The following CNIH3 variants were observed in gnomAD, a reference collection of about 807,000 sequenced individuals.
CNIH3 encodes protein cornichon homolog 3.
CNIH3 carries 14 observed loss-of-function variants against 24.1 expected under a neutral mutation model. The observed-to-expected ratio is 0.58, with a 90% CI of 0.38 to 0.91. The LOEUF (loss-of-function observed/expected upper bound fraction) is 0.91. CNIH3 is among the 40% of genes least tolerant of loss of function. The pLI is 0.00. For synonymous variants in CNIH3, 68 were observed against 73.8 expected, an observed-to-expected ratio of 0.92 and a Z score of 0.40; for missense variants, 178 against 196.8, an observed-to-expected ratio of 0.90 and a Z score of 0.57.
chr1:224,566,756 T>C (rs1180843103), intron 4 of CNIH3, among the ~76,000 whole-genome samples: 1 of 152,190 alleles, frequency 6.6e-6, no homozygotes, highest in East Asian at 1.9e-4. Flanking sequence ...ATTTTCTCTA[T>C]CTAGTCTATT....
At chr1:224,668,562 T>G (rs945923210) in intron 1 of CNIH3, among the ~76,000 whole-genome samples, 13 of 152,152 alleles carry the variant, frequency 8.5e-5, no homozygotes, top group Non-Finnish European at 1.6e-4. Context: ...CTGATGCACA[T>G]CCACACTTGG....
rs1251703220 is a variant in CNIH3, at chr1:224,734,467, G to A, written c.312-96G>A. 4.7e-6 allele frequency: 6 copies of A among 1,273,754 alleles called. No individual in the cohort carries two copies. In the African/African-American group the frequency reaches 8.8e-5, roughly 19 times the overall value. The allele number at this position is 1,273,754 out of a possible 1,614,324, so 78.9% of individuals were successfully genotyped here. On this transcript the variant is annotated intron_variant, in intron 4 of 5. Transcript: ENST00000272133. ...CAGAAGGCAGGCAATTGCTTGGCAG[G>A]GATTGCTCGACAGAAGCCCTGCATC... is the stretch of plus-strand genomic sequence containing the variant.
intron 1 of CNIH3, among the ~76,000 whole-genome samples, chr1:224,477,205 G>A (rs1207074765): frequency 6.6e-6 from 1 of 152,226 alleles, no homozygotes. Flanking sequence ...TTCAAAGGGT[G>A]TGTGGATTCT....
chr1:224,506,452 C>T (rs989466732), intron 1 of CNIH3, among the ~76,000 whole-genome samples: 1 of 152,190 alleles, frequency 6.6e-6, no homozygotes. Flanking sequence ...TGCTCGATGC[C>T]ACCCTCCTGG....
chr1:224,695,622 A>G (rs983732907), intron 3 of CNIH3, among the ~76,000 whole-genome samples: 2 of 152,096 alleles, frequency 1.3e-5, no homozygotes, highest in African/African-American at 4.8e-5. Flanking sequence ...ACAGTCCTCA[A>G]CCCTTGCTGC....
At position 224,617,031 on chromosome 1, in the gene CNIH3, C is replaced by T. The variant is rs1324520715; in HGVS notation, c.-144C>T. ...CGCTTATTCGCTGACCCTCGAGTCG[C>T]TTCGCTAGCTGTGCGCCCTCCTGGG... On this transcript the variant is annotated 5_prime_UTR_variant, in exon 1 of 6. Coordinates refer to ENST00000272133, the MANE Select transcript of CNIH3 (RefSeq NM_152495.2). 1.5e-5 allele frequency: 22 copies of T among 1,426,100 alleles called. No individual in the cohort carries two copies. The highest frequency in any genetic ancestry group is 2.0e-5 in the Non-Finnish European group (22 of 1,093,488). The allele number at this position is 1,426,100 out of a possible 1,614,324, so 88.3% of individuals were successfully genotyped here.
At chr1:224,638,536 G>A (rs919666109) in intron 1 of CNIH3, among the ~76,000 whole-genome samples, 9 of 152,106 alleles carry the variant, frequency 5.9e-5, no homozygotes, top group African/African-American at 1.4e-4. Flanking sequence ...CTTTACCAGC[G>A]GTGCCGTAAC....
At chr1:224,692,862 G>A (rs368867299) in intron 3 of CNIH3, among the ~76,000 whole-genome samples, 1 of 152,144 alleles carries the variant, frequency 6.6e-6, no homozygotes, top group Non-Finnish European at 1.5e-5. Flanking sequence ...AAGGACCACC[G>A]CTACAGTAAC....
In CNIH3 at chr1:224,739,636, G is replaced by A. The variant is rs953336662; in HGVS notation, c.*280G>A. The A allele has an allele frequency of 4.3e-5, 23 of 533,558 alleles. No homozygotes were observed. Among genetic ancestry groups the A allele is most frequent in the South Asian group, 3.9e-4 (14 of 35,566 alleles). The allele number at this position is 533,558 out of a possible 1,614,324, so 33.1% of individuals were successfully genotyped here. On this transcript the variant is annotated 3_prime_UTR_variant, in exon 6 of 6. Coordinates refer to ENST00000272133, the MANE Select transcript of CNIH3 (RefSeq NM_152495.2). ...TCAGTGGTGTGGGGGAGTAGGTGACGAAACACTAGACCTCTCCTGAGAGAG... is the reference window on the plus strand; with the variant it reads ...TCAGTGGTGTGGGGGAGTAGGTGACAAAACACTAGACCTCTCCTGAGAGAG...
chr1:224,726,769 A>T (rs1445131463), intron 3 of CNIH3, among the ~76,000 whole-genome samples: 1 of 151,910 alleles, frequency 6.6e-6, no homozygotes, highest in Non-Finnish European at 1.5e-5. Flanking sequence ...AGGATTTATG[A>T]CTCTAGAAAG....
chr1:224,684,192 A>G lies in CNIH3; in HGVS notation c.151-604A>G, dbSNP rs1212391284. On this transcript the variant is annotated intron_variant, in intron 2 of 5. Transcript: ENST00000272133. This position sits in a 1 kb window ranked among gnomAD's most constrained non-coding sequence, Gnocchi z 4.2. ...ATCATCACCTGCCCAGCCACGGGCC[A>G]TCATCTCATCTTCCCTTGGCAGTGA... Among the ~76,000 whole-genome samples, 1 of 152,244 alleles carries G rather than the reference A, an allele frequency of 6.6e-6. No individual in the cohort carries two copies. Among genetic ancestry groups the G allele is most frequent in the Non-Finnish European group, 1.5e-5 (1 of 68,040 alleles).
At chr1:224,439,042 C>T (rs1466050524) in intron 1 of CNIH3, among the ~76,000 whole-genome samples, 1 of 152,184 alleles carries the variant, frequency 6.6e-6, no homozygotes, top group African/African-American at 2.4e-5. Context: ...CCCTGCCACT[C>T]AGCTGTATTC....
chr1:224,490,240 G>A (rs1677191025), intron 1 of CNIH3, among the ~76,000 whole-genome samples: 1 of 152,168 alleles, frequency 6.6e-6, no homozygotes, highest in African/African-American at 2.4e-5. Context: ...TTTCTTGTGT[G>A]ATATTAATAT....
At chr1:224,506,277 GCGCGCGCGCGCA>G in intron 1 of CNIH3, among the ~76,000 whole-genome samples, 1 of 48,404 alleles carries the variant, frequency 2.1e-5, no homozygotes, top group African/African-American at 5.6e-5. Context: ...ACACGCGCGC[GCGCGCGCGCGCA>G]CACACACACA....
At position 224,522,505 on chromosome 1, in the gene CNIH3, G is replaced by A. The variant is rs117545557; in HGVS notation, n.343+1178G>A. Among the ~76,000 whole-genome samples the A allele has an allele frequency of 1.3e-3, 195 of 152,322 alleles. 2 individuals are homozygous for A. The East Asian group carries it at 0.029, about 23-fold the overall frequency. On this transcript the variant is annotated intron_variant and non_coding_transcript_variant, in intron 2 of 2. Coordinates refer to the CNIH3 transcript ENST00000470602. ...CACAGGTGGGAGAAGGTATTGCAGC[G>A]TGTCTAACTGGTAAAGTGCTCCTAT...
Position 224,678,023 on chromosome 1 carries a change from C to G in CNIH3, c.82-2935C>G, listed in dbSNP as rs553770738. Among the ~76,000 whole-genome samples, 8 of 152,290 alleles carry G rather than the reference C, an allele frequency of 5.3e-5. No homozygotes were observed. The South Asian group carries it at 1.2e-3, about 24-fold the overall frequency. ...AGCTAGGAATGGTGAGCTCAGAGCT[C>G]TGGCCTTGGTCCCGCTTGGTCTACA... On this transcript the variant is annotated intron_variant, in intron 1 of 5. Transcript: ENST00000272133.
chr1:224,451,473 G>A (rs61825771), intron 1 of CNIH3, among the ~76,000 whole-genome samples: 2 of 152,160 alleles, frequency 1.3e-5, no homozygotes, highest in Non-Finnish European at 2.9e-5. Context: ...TATGTTAACC[G>A]AATAGCTTGG....
chr1:224,493,144 CCTT>C (rs1677298748), intron 1 of CNIH3, among the ~76,000 whole-genome samples: 1 of 152,084 alleles, frequency 6.6e-6, no homozygotes, highest in Non-Finnish European at 1.5e-5. Flanking sequence ...ACAAAATTTT[CCTT>C]CTTTTTATTT....
intron 1 of CNIH3, among the ~76,000 whole-genome samples, chr1:224,502,408 A>C (rs1051939024): frequency 2.0e-5 from 3 of 152,182 alleles, no homozygotes; most frequent in Non-Finnish European, 4.4e-5. Flanking sequence ...GCTCTCCTGA[A>C]AGGCACAGCC....
Sources: allele counts gnomAD v4.1 joint callset (sites outside exome capture counted in the v4.1 genomes callset), GRCh38; gene constraint gnomAD v4.1.1; non-coding constraint Gnocchi (gnomAD v3.1); transcripts MANE v1.5; gene names NCBI Gene and HGNC (gene_info 2026-07-23, HGNC 2026-07-21).